CNTNAP2: variants seen among roughly 807,000 people sequenced by gnomAD.
CNTNAP2 encodes contactin associated protein 2.
In CNTNAP2, 98 loss-of-function variants were observed where a neutral mutation model predicts 155.2. The ratio of observed to expected loss-of-function variants is 0.63; its 90% CI spans 0.54 to 0.75. The LOEUF is 0.75. Among genes scored for constraint, CNTNAP2 ranks in the 30% least tolerant of loss-of-function variants. CNTNAP2 has a pLI of 0.00. For missense variants in CNTNAP2, 1,727 were observed against 1,688.1 expected, an observed-to-expected ratio of 1.02 and a Z score of -0.40; for synonymous variants, 651 against 631.2, an observed-to-expected ratio of 1.03 and a Z score of -0.47.
At chr7:148,063,949 G>T (rs1375569633) in intron 15 of CNTNAP2, among the ~76,000 whole-genome samples, 1 of 152,028 alleles carries the variant, frequency 6.6e-6, no homozygotes, top group African/African-American at 2.4e-5. Context: ...TTTGCATGTT[G>T]CTTGCCAATC....
intron 1 of CNTNAP2, among the ~76,000 whole-genome samples, chr7:146,642,691 G>A (rs1489780307): frequency 3.3e-5 from 5 of 152,058 alleles, no homozygotes; most frequent in East Asian, 1.9e-4. Flanking sequence ...GGATGGCTGG[G>A]TCAAATGGTA....
At chr7:146,333,390 C>T (rs753230354) in intron 1 of CNTNAP2, among the ~76,000 whole-genome samples, 34 of 152,086 alleles carry the variant, frequency 2.2e-4, no homozygotes, top group Non-Finnish European at 1.3e-4. Context: ...TTGACCTAAA[C>T]TATAAGTAAA....
chr7:146,215,855 G>T (rs939465862), intron 1 of CNTNAP2, among the ~76,000 whole-genome samples: 21 of 152,156 alleles, frequency 1.4e-4, no homozygotes, highest in African/African-American at 4.8e-4. Flanking sequence ...CATTTGCTTT[G>T]ATAAATAATA....
At chr7:147,113,549 A>G (rs1229071464) in intron 5 of CNTNAP2, among the ~76,000 whole-genome samples, 1 of 152,148 alleles carries the variant, frequency 6.6e-6, no homozygotes, top group African/African-American at 2.4e-5. Flanking sequence ...CCTTCTTCAC[A>G]TGGCGGCAGG....
rs140881284 is a variant in CNTNAP2, at chr7:148,133,335, G to A, written c.2555-14156G>A. Among the ~76,000 whole-genome samples the A allele has an allele frequency of 9.9e-5, 15 of 152,148 alleles. No homozygotes were observed. In the East Asian group the frequency reaches 1.2e-3, roughly 12 times the overall value. On this transcript the variant is annotated intron_variant, in intron 16 of 23. Coordinates refer to ENST00000361727, the MANE Select transcript of CNTNAP2 (RefSeq NM_014141.6). ...AAATTAGCTGGGCATGGTGGCGTGC[G>A]CCTGTAACCCCAACTACTCAGGAGG...
intron 22 of CNTNAP2, among the ~76,000 whole-genome samples, chr7:148,404,313 GAC>G (rs946279900): frequency 2.0e-5 from 3 of 152,242 alleles, no homozygotes; most frequent in South Asian, 2.1e-4. Flanking sequence ...TGAGAAAAGG[GAC>G]ACACAGTCTG....
chr7:147,466,442 G>T (rs1051697910), intron 10 of CNTNAP2, among the ~76,000 whole-genome samples: 1 of 152,114 alleles, frequency 6.6e-6, no homozygotes, highest in African/African-American at 2.4e-5. Context: ...GGGAAAAGGG[G>T]TTCTGGTTTC....
At position 147,221,497 on chromosome 7, in the gene CNTNAP2, G is replaced by C. The variant is rs928903027; in HGVS notation, c.1349-78644G>C. Among the ~76,000 whole-genome samples, 24 of 152,236 alleles carry C rather than the reference G, an allele frequency of 1.6e-4. No homozygotes were observed. The East Asian group carries it at 2.9e-3, about 18-fold the overall frequency. On this transcript the variant is annotated intron_variant, in intron 8 of 23. Coordinates refer to ENST00000361727, the MANE Select transcript of CNTNAP2 (RefSeq NM_014141.6). ...CAAGGAATATCAGGTCCATGCTTCTGCTGTCTCAGGTGCCCAAGCTTAGCA... is the reference window on the plus strand; with the variant it reads ...CAAGGAATATCAGGTCCATGCTTCTCCTGTCTCAGGTGCCCAAGCTTAGCA...
At chr7:146,868,028 G>T (rs1795238807) in intron 3 of CNTNAP2, among the ~76,000 whole-genome samples, 1 of 152,070 alleles carries the variant, frequency 6.6e-6, no homozygotes, top group African/African-American at 2.4e-5. Context: ...AGTTTAATTA[G>T]ATCCCACTTG....
At chr7:148,222,007 C>G (rs777544581) in intron 19 of CNTNAP2, among the ~76,000 whole-genome samples, 5 of 152,314 alleles carry the variant, frequency 3.3e-5, no homozygotes, top group East Asian at 1.9e-4. Context: ...TGGAGGCCAC[C>G]TGCCCAGTGA....
intron 14 of CNTNAP2, among the ~76,000 whole-genome samples, chr7:147,945,297 A>C (rs1800798990): frequency 6.6e-6 from 1 of 152,182 alleles, no homozygotes; most frequent in Non-Finnish European, 1.5e-5. Flanking sequence ...CTTCTAGGAA[A>C]TAATAGAGGA....
chr7:146,847,717 G>A (rs1794786346), intron 3 of CNTNAP2, among the ~76,000 whole-genome samples: 1 of 152,042 alleles, frequency 6.6e-6, no homozygotes, highest in South Asian at 2.1e-4. Flanking sequence ...TTCCCAGCCT[G>A]GAATGACAAA....
intron 3 of CNTNAP2, among the ~76,000 whole-genome samples, chr7:146,921,007 TA>T (rs535081548): frequency 3.9e-5 from 6 of 152,118 alleles, no homozygotes; most frequent in Non-Finnish European, 7.4e-5. Context: ...ATGTAATTAG[TA>T]AAAAATGGAC....
intron 18 of CNTNAP2, among the ~76,000 whole-genome samples, chr7:148,212,206 T>A (rs1795564209): frequency 6.6e-6 from 1 of 152,104 alleles, no homozygotes; most frequent in African/African-American, 2.4e-5. Flanking sequence ...AATATCTTTA[T>A]GTTATTATTC....
chr7:147,525,313 T>G (rs1171460431), intron 11 of CNTNAP2, among the ~76,000 whole-genome samples: 3 of 151,998 alleles, frequency 2.0e-5, no homozygotes, highest in Non-Finnish European at 4.4e-5. Flanking sequence ...CAAGGAGAGA[T>G]AGAGACAAAT....
chr7:146,132,692 T>A (rs1258348384), intron 1 of CNTNAP2, among the ~76,000 whole-genome samples: 1 of 151,788 alleles, frequency 6.6e-6, no homozygotes, highest in Non-Finnish European at 1.5e-5. Context: ...TGCGATAGTT[T>A]ACTGAGAATG....
At chr7:146,520,156 A>T (rs1420546182) in intron 1 of CNTNAP2, among the ~76,000 whole-genome samples, 2 of 151,326 alleles carry the variant, frequency 1.3e-5, no homozygotes, top group African/African-American at 4.8e-5. Flanking sequence ...TTTAATGAAT[A>T]AAAAAGATAT....
At chr7:146,641,806 G>T (rs2129161391) in intron 1 of CNTNAP2, among the ~76,000 whole-genome samples, 1 of 152,300 alleles carries the variant, frequency 6.6e-6, no homozygotes, top group East Asian at 1.9e-4. Flanking sequence ...ATTCAGAACA[G>T]ATGAATATAT....
At chr7:147,798,684 A>G (rs1414840002) in intron 13 of CNTNAP2, among the ~76,000 whole-genome samples, 1 of 152,232 alleles carries the variant, frequency 6.6e-6, no homozygotes, top group Non-Finnish European at 1.5e-5. Flanking sequence ...GAATTGGGTC[A>G]CACACTCATT....
Sources: allele counts gnomAD v4.1 joint callset (sites outside exome capture counted in the v4.1 genomes callset), GRCh38; gene constraint gnomAD v4.1.1; transcripts MANE v1.5; gene names NCBI Gene and HGNC (gene_info 2026-07-23, HGNC 2026-07-21).